TMPRSS15: variants seen among roughly 807,000 people sequenced by gnomAD.
TMPRSS15 encodes the protein enteropeptidase.
Under a neutral mutation model 125.3 loss-of-function variants are expected in TMPRSS15, and 128 were observed. The ratio of observed to expected loss-of-function variants is 1.02; its 90% confidence interval spans 0.89 to 1.18. TMPRSS15 has a LOEUF of 1.18. Ranked by LOEUF, TMPRSS15 falls within the 50% of genes most tolerant of loss-of-function variation. The pLI, the probability that TMPRSS15 is intolerant of heterozygous loss-of-function variation, is 0.00. For missense variants in TMPRSS15, 1,283 were observed against 1,212.7 expected, an observed-to-expected ratio of 1.06 and a Z score of -0.86; for synonymous variants, 446 against 423.2, an observed-to-expected ratio of 1.05 and a Z score of -0.66.
intron 23 of TMPRSS15, 21 bp from the exon 24 acceptor site, chr21:18,275,357 A>G (rs1303748080): frequency 6.2e-7 from 1 of 1,613,456 alleles, no homozygotes; most frequent in East Asian, 2.2e-5. Flanking sequence ...TGGAGAATGC[A>G]GCCAGCCAGT....
intron 1 of TMPRSS15, among the ~76,000 whole-genome samples, chr21:18,441,291 A>G (rs2076240787): frequency 6.6e-6 from 1 of 151,306 alleles, no homozygotes; most frequent in Admixed American, 6.6e-5. Context: ...CAAACAAAAC[A>G]AAACAAAACA....
At chr21:18,411,766 A>T (rs923105802) in intron 1 of TMPRSS15, among the ~76,000 whole-genome samples, 1 of 152,216 alleles carries the variant, frequency 6.6e-6, no homozygotes, top group Non-Finnish European at 1.5e-5. Flanking sequence ...CTCACCAAGC[A>T]TATTTCCCTA....
intron 1 of TMPRSS15, among the ~76,000 whole-genome samples, chr21:18,412,131 G>T (rs1334197534): frequency 6.6e-6 from 1 of 152,110 alleles, no homozygotes; most frequent in African/African-American, 2.4e-5. Flanking sequence ...AGATTGTTGT[G>T]CCAGCCACAT....
At chr21:18,443,272 C>T (rs1045107148) in intron 1 of TMPRSS15, among the ~76,000 whole-genome samples, 1 of 152,154 alleles carries the variant, frequency 6.6e-6, no homozygotes, top group Non-Finnish European at 1.5e-5. Flanking sequence ...ACTCTGCAGG[C>T]CGATCGGCTG....
chr21:18,281,526 T>C (rs2074697969), intron 21 of TMPRSS15, among the ~76,000 whole-genome samples: 1 of 152,184 alleles, frequency 6.6e-6, no homozygotes, highest in Admixed American at 6.5e-5. Flanking sequence ...TAAATAATGC[T>C]GACACCTACT....
chr21:18,354,689 T>C (rs769799803), intron 8 of TMPRSS15, among the ~76,000 whole-genome samples: 1 of 151,722 alleles, frequency 6.6e-6, no homozygotes, highest in African/African-American at 2.4e-5. Context: ...TATGAAATAT[T>C]AGACTTTCAC....
intron 1 of TMPRSS15, among the ~76,000 whole-genome samples, chr21:18,418,344 T>C (rs1960744801): frequency 1.3e-5 from 2 of 152,324 alleles, no homozygotes; most frequent in African/African-American, 4.8e-5. Context: ...TTATCTGTTG[T>C]AGCGATGGCT....
intron 1 of TMPRSS15, among the ~76,000 whole-genome samples, chr21:18,427,544 T>C (rs117734904): frequency 6.6e-6 from 1 of 152,308 alleles, no homozygotes; most frequent in East Asian, 1.9e-4. Context: ...GGACTTTAGT[T>C]GCAGGCAAAA....
At position 18,310,126 on chromosome 21, in the gene TMPRSS15, A is replaced by G. The variant is rs2075083713; in HGVS notation, c.2165+2819T>C. On this transcript the variant is annotated intron_variant, in intron 18 of 24. Coordinates refer to ENST00000284885, the MANE Select transcript of TMPRSS15 (RefSeq NM_002772.3). Reference sequence around the variant, plus strand: ...ACAATATATTAACAGGAAAAAGTTGAAATCTTTTCTTCTAAGAACTGGAAC... The same window carrying G: ...ACAATATATTAACAGGAAAAAGTTGGAATCTTTTCTTCTAAGAACTGGAAC... 2.6e-5 allele frequency among the ~76,000 whole-genome samples: 4 copies of G among 152,286 alleles called. No individual in the cohort carries two copies. The East Asian group carries it at 7.7e-4, about 29-fold the overall frequency.
At chr21:18,375,285 C>T (rs1346709203) in intron 5 of TMPRSS15, among the ~76,000 whole-genome samples, 1 of 152,122 alleles carries the variant, frequency 6.6e-6, no homozygotes, top group Non-Finnish European at 1.5e-5. Flanking sequence ...TATATTATTA[C>T]AATTTCTAAG....
chr21:18,345,696 G>A (rs1302118799), intron 10 of TMPRSS15, among the ~76,000 whole-genome samples: 1 of 107,526 alleles, frequency 9.3e-6, no homozygotes, highest in Non-Finnish European at 1.8e-5. Flanking sequence ...AGCCGAGGTC[G>A]TGCCACTGCA....
intron 1 of TMPRSS15, among the ~76,000 whole-genome samples, chr21:18,459,956 A>G (rs971063999): frequency 1.3e-5 from 2 of 152,206 alleles, no homozygotes; most frequent in African/African-American, 4.8e-5. Context: ...ATGAATTTTT[A>G]AAAACCAGTA....
chr21:18,448,014 G>A (rs1375832235), intron 1 of TMPRSS15, among the ~76,000 whole-genome samples: 1 of 152,100 alleles, frequency 6.6e-6, no homozygotes, highest in Non-Finnish European at 1.5e-5. Context: ...CACTCTTGGT[G>A]AGAATGTAAA....
chr21:18,455,041 C>T (rs1172179536), intron 1 of TMPRSS15, among the ~76,000 whole-genome samples: 1 of 151,910 alleles, frequency 6.6e-6, no homozygotes, highest in Non-Finnish European at 1.5e-5. Context: ...GGGCAGTTAC[C>T]CTCATGCTAT....
chr21:18,334,241 A>C (rs2075370600), intron 13 of TMPRSS15, among the ~76,000 whole-genome samples: 1 of 152,232 alleles, frequency 6.6e-6, no homozygotes, highest in Non-Finnish European at 1.5e-5. Context: ...ACAGGAAGGC[A>C]ATTACTCTGA....
At chr21:18,307,018 C>A (rs1382150085) in intron 18 of TMPRSS15, among the ~76,000 whole-genome samples, 11 of 152,164 alleles carry the variant, frequency 7.2e-5, no homozygotes, top group Admixed American at 7.2e-4. Context: ...TCTTGAGAGA[C>A]TACAGTGGCT....
At chr21:18,299,720 CCATGACA>C (rs2146909700) in intron 18 of TMPRSS15, among the ~76,000 whole-genome samples, 1 of 152,274 alleles carries the variant, frequency 6.6e-6, no homozygotes, top group Admixed American at 6.5e-5. Context: ...TCTTGACTCC[CCATGACA>C]CATTCTCAAA....
Position 18,481,865 on chromosome 21 carries a change from T to C in TMPRSS15, c.10+3934A>G, listed in dbSNP as rs1318887031. 3.3e-5 allele frequency among the ~76,000 whole-genome samples: 5 copies of C among 151,824 alleles called. No homozygotes were observed. In the East Asian group the frequency reaches 9.7e-4, roughly 29 times the overall value. On this transcript the variant is annotated intron_variant, in intron 1 of 7. Coordinates refer to the TMPRSS15 transcript ENST00000422787. ...AAGTCAAATTTATTTTCTGAGGGAA[T>C]TAATCTTAATTTATATAATCAAAAA...
intron 13 of TMPRSS15, among the ~76,000 whole-genome samples, chr21:18,338,652 T>C (rs1237483483): frequency 2.0e-5 from 3 of 152,044 alleles, no homozygotes; most frequent in Admixed American, 6.6e-5. Context: ...CAAAATTTTG[T>C]TTAACAAAAG....
Sources: allele counts gnomAD v4.1 joint callset (sites outside exome capture counted in the v4.1 genomes callset), GRCh38; gene constraint gnomAD v4.1.1; transcripts MANE v1.5; gene names NCBI Gene and HGNC (gene_info 2026-07-23, HGNC 2026-07-21).